Variants in ABTB3 observed in about 807,000 individuals in gnomAD.
ABTB3 encodes ankyrin repeat- and BTB/POZ domain-containing protein 3.
chr12:107,335,519 T>G, the ABTB3 span, among the ~76,000 whole-genome samples: 1 of 152,054 alleles, frequency 6.6e-6, no homozygotes, highest in Non-Finnish European at 1.5e-5. Context: ...GGCTTCTCAC[T>G]TCCACCCTGT....
chr12:107,601,487 G>A, the ABTB3 span, among the ~76,000 whole-genome samples: 46 of 152,318 alleles, frequency 3.0e-4, no homozygotes, highest in Non-Finnish European at 4.6e-4. Context: ...GGGGCTGCTC[G>A]GGCCTTTTGT....
the ABTB3 span, among the ~76,000 whole-genome samples, chr12:107,348,569 T>TA: frequency 6.6e-6 from 1 of 151,936 alleles, no homozygotes; most frequent in Middle Eastern, 3.2e-3. Flanking sequence ...CAAAGAAAAT[T>TA]AAAAAATTAT....
At chr12:107,415,458 G>A in the ABTB3 span, among the ~76,000 whole-genome samples, 2 of 151,900 alleles carry the variant, frequency 1.3e-5, no homozygotes, top group African/African-American at 2.4e-5. Flanking sequence ...CCTGTAATCC[G>A]AGCACTTTGG....
At chr12:107,612,924 G>A in the ABTB3 span, 16 of 1,521,686 alleles carry the variant, frequency 1.1e-5, no homozygotes, top group East Asian at 2.3e-5. Flanking sequence ...AGGGGAAAGC[G>A]AGCAAGAAAG....
At chr12:107,354,552 C>T in the ABTB3 span, among the ~76,000 whole-genome samples, 1 of 152,204 alleles carries the variant, frequency 6.6e-6, no homozygotes, top group Admixed American at 6.5e-5. Context: ...TTTCAAGATT[C>T]ATCCATTTCT....
chr12:107,504,502 T>C, the ABTB3 span, among the ~76,000 whole-genome samples: 1 of 152,234 alleles, frequency 6.6e-6, no homozygotes, highest in Non-Finnish European at 1.5e-5. Context: ...AATAAGTCTA[T>C]AGTCACCAGG....
the ABTB3 span, among the ~76,000 whole-genome samples, chr12:107,554,761 G>A: frequency 2.6e-5 from 4 of 152,168 alleles, no homozygotes; most frequent in African/African-American, 9.7e-5. Flanking sequence ...GGCTGTTGCT[G>A]CTGGTTCAGG....
At chr12:107,370,499 G>C in the ABTB3 span, among the ~76,000 whole-genome samples, 1 of 152,290 alleles carries the variant, frequency 6.6e-6, no homozygotes, top group African/African-American at 2.4e-5. Flanking sequence ...TCTTCACATG[G>C]GCTTTAGGAA....
chr12:107,561,715 G>T, the ABTB3 span, among the ~76,000 whole-genome samples: 1 of 152,072 alleles, frequency 6.6e-6, no homozygotes, highest in East Asian at 1.9e-4. Flanking sequence ...TGCTCAGTCT[G>T]CTCCATAAAC....
chr12:107,581,729 T>C, the ABTB3 span, among the ~76,000 whole-genome samples: 1 of 152,192 alleles, frequency 6.6e-6, no homozygotes. Flanking sequence ...TGGTCTTCTC[T>C]GCATTCCTCA....
the ABTB3 span, among the ~76,000 whole-genome samples, chr12:107,507,031 C>T: frequency 6.6e-6 from 1 of 152,098 alleles, no homozygotes; most frequent in Non-Finnish European, 1.5e-5. Flanking sequence ...TTGAAAATAG[C>T]TTACATGTTT....
chr12:107,375,999 CT>C, the ABTB3 span, among the ~76,000 whole-genome samples: 1 of 152,172 alleles, frequency 6.6e-6, no homozygotes, highest in Non-Finnish European at 1.5e-5. Context: ...GCCCAGGGCC[CT>C]TTTTGCTATT....
At chr12:107,494,802 G>A in the ABTB3 span, among the ~76,000 whole-genome samples, 2 of 152,118 alleles carry the variant, frequency 1.3e-5, no homozygotes, top group Admixed American at 6.5e-5. Context: ...CGCTGCAGCC[G>A]CCTGTTCTCC....
At chr12:107,392,699 G>T in the ABTB3 span, among the ~76,000 whole-genome samples, 1 of 152,106 alleles carries the variant, frequency 6.6e-6, no homozygotes, top group Admixed American at 6.5e-5. Flanking sequence ...CAGTTAATTT[G>T]CAATGAAAGC....
the ABTB3 span, among the ~76,000 whole-genome samples, chr12:107,323,311 TACCTGTCC>T: frequency 6.6e-6 from 1 of 152,274 alleles, no homozygotes. Context: ...GCCATTTCTG[TACCTGTCC>T]ACCTTTCTAA....
the ABTB3 span, among the ~76,000 whole-genome samples, chr12:107,393,963 A>G: frequency 6.6e-6 from 1 of 152,152 alleles, no homozygotes; most frequent in South Asian, 2.1e-4. Context: ...ATGAATGATA[A>G]AAACAGTGTG....
the ABTB3 span, among the ~76,000 whole-genome samples, chr12:107,582,255 A>C: frequency 6.6e-6 from 1 of 152,222 alleles, no homozygotes; most frequent in East Asian, 1.9e-4. Flanking sequence ...CATGCCGAGC[A>C]CTGTTCTAAG....
the ABTB3 span, among the ~76,000 whole-genome samples, chr12:107,646,906 G>T: frequency 1.3e-5 from 2 of 152,146 alleles, no homozygotes; most frequent in African/African-American, 4.8e-5. Flanking sequence ...AGAAGGAGCG[G>T]GCGGAGCTCA....
chr12:107,489,508 A>T, the ABTB3 span, among the ~76,000 whole-genome samples: 1 of 152,252 alleles, frequency 6.6e-6, no homozygotes, highest in South Asian at 2.1e-4. Context: ...TGACGAGCAA[A>T]ACTCCATCTC....
Sources: gnomAD v4.1 joint callset for allele counts (sites outside exome capture counted in the v4.1 genomes callset) on GRCh38, gnomAD v4.1.1 for gene constraint, MANE v1.5 for transcripts, NCBI Gene and HGNC (gene_info 2026-07-23, HGNC 2026-07-21) for gene names.